Variants in JAZF1 observed in about 807,000 individuals in gnomAD.
JAZF1 encodes the protein JAZF zinc finger 1.
Under a neutral mutation model 26.4 loss-of-function variants are expected in JAZF1, and 8 were observed. The observed-to-expected ratio is 0.30, with a 90% CI of 0.18 to 0.55. JAZF1 has a LOEUF of 0.55. Among genes scored for constraint, JAZF1 ranks in the 20% least tolerant of loss-of-function variants. The probability of loss-of-function intolerance (pLI) is 0.94; values close to 1 mark genes in which losing one functional copy is unlikely to be tolerated. For missense variants in JAZF1, 199 were observed against 322.0 expected, an observed-to-expected ratio of 0.62 and a Z score of 2.92; for synonymous variants, 126 against 122.3, an observed-to-expected ratio of 1.03 and a Z score of -0.20.
intron 2 of JAZF1, among the ~76,000 whole-genome samples, chr7:27,951,469 C>T (rs1401470847): frequency 6.6e-6 from 1 of 152,204 alleles, no homozygotes; most frequent in Admixed American, 6.5e-5. Flanking sequence ...TTTTAGACAT[C>T]AAAGCATAAG....
intron 1 of JAZF1, among the ~76,000 whole-genome samples, chr7:28,162,210 G>A (rs976264882): frequency 6.6e-6 from 1 of 152,300 alleles, no homozygotes; most frequent in East Asian, 1.9e-4. Flanking sequence ...TTATAGCTAG[G>A]CCATGCTGAG....
At chr7:27,873,175 C>A (rs2128338272) in intron 3 of JAZF1, among the ~76,000 whole-genome samples, 1 of 152,290 alleles carries the variant, frequency 6.6e-6, no homozygotes, top group South Asian at 2.1e-4. Flanking sequence ...AAAATCAAAT[C>A]TATTTCCGAC....
intron 2 of JAZF1, chr7:27,914,804 T>C (rs1391037613): frequency 4.2e-6 from 2 of 471,046 alleles, no homozygotes; most frequent in Admixed American, 4.7e-5. Flanking sequence ...TGATGCCCAA[T>C]GTCCCTACAG....
Position 28,062,466 on chromosome 7 carries a change from C to T in JAZF1, c.116-70485G>A, listed in dbSNP as rs547714871. On this transcript the variant is annotated intron_variant, in intron 1 of 4. Coordinates refer to ENST00000283928, the MANE Select transcript of JAZF1 (RefSeq NM_175061.4). The stretch of plus-strand genomic sequence containing the variant: ...AGAGCATGCAGTCCCTTAGTGACTA[C>T]GCAGCCCTGTCCTGAGGCTGAGTAA... Among the ~76,000 whole-genome samples, 7 of 152,104 alleles carry T rather than the reference C, an allele frequency of 4.6e-5. No homozygotes were observed. In the East Asian group the frequency reaches 1.3e-3, roughly 29 times the overall value.
At chr7:27,913,955 G>GT (rs1562527627) in intron 2 of JAZF1, among the ~76,000 whole-genome samples, 3 of 152,012 alleles carry the variant, frequency 2.0e-5, no homozygotes, top group African/African-American at 7.3e-5. Context: ...TCATTGATGT[G>GT]TTTCTTTATT....
At chr7:27,846,090 T>C (rs1282881933) in intron 3 of JAZF1, among the ~76,000 whole-genome samples, 2 of 152,148 alleles carry the variant, frequency 1.3e-5, no homozygotes, top group East Asian at 3.9e-4. Flanking sequence ...ACGTACCTAC[T>C]ACTTCATAAC....
intron 1 of JAZF1, among the ~76,000 whole-genome samples, chr7:28,032,076 G>A (rs979094449): frequency 1.3e-5 from 2 of 152,108 alleles, no homozygotes; most frequent in Non-Finnish European, 2.9e-5. Context: ...ACTGGGGCTG[G>A]TTCTCTTCCT....
chr7:28,145,156 C>G (rs2127946596), intron 1 of JAZF1, among the ~76,000 whole-genome samples: 1 of 152,186 alleles, frequency 6.6e-6, no homozygotes, highest in East Asian at 1.9e-4. Flanking sequence ...AAAAATAAAC[C>G]TAGAGAGCTC....
At chr7:28,121,997 AG>A (rs1359304991) in intron 1 of JAZF1, among the ~76,000 whole-genome samples, 1 of 152,248 alleles carries the variant, frequency 6.6e-6, no homozygotes, top group Non-Finnish European at 1.5e-5. Context: ...TCAAGATCAA[AG>A]AATATTCCTT....
At chr7:27,930,957 A>G (rs1475889403) in intron 2 of JAZF1, among the ~76,000 whole-genome samples, 1 of 152,238 alleles carries the variant, frequency 6.6e-6, no homozygotes, top group African/African-American at 2.4e-5. Context: ...TCAGAAAAAA[A>G]GCCAGTGTTA....
At chr7:28,012,445 A>T (rs1212616449) in intron 1 of JAZF1, among the ~76,000 whole-genome samples, 4 of 152,212 alleles carry the variant, frequency 2.6e-5, no homozygotes. Flanking sequence ...TCTTTAAAAA[A>T]CAAAACCAAA....
At chr7:27,899,967 G>A (rs1038021447) in intron 2 of JAZF1, among the ~76,000 whole-genome samples, 1 of 152,140 alleles carries the variant, frequency 6.6e-6, no homozygotes, top group Non-Finnish European at 1.5e-5. Flanking sequence ...CTCCTCTGGC[G>A]GTTTACATGG....
intron 1 of JAZF1, among the ~76,000 whole-genome samples, chr7:28,177,227 A>T (rs1783562503): frequency 6.6e-6 from 1 of 152,176 alleles, no homozygotes; most frequent in Admixed American, 6.5e-5. Flanking sequence ...AGAAAACAGG[A>T]ACACCGGTAC....
chr7:27,994,447 A>AC (rs1301331242), intron 1 of JAZF1, among the ~76,000 whole-genome samples: 2 of 37,870 alleles, frequency 5.3e-5, no homozygotes, highest in Non-Finnish European at 1.2e-4. Context: ...ATCACAAAAA[A>AC]AAAAAAACAA....
Position 27,832,905 on chromosome 7 carries a change from CT to C in JAZF1, c.626del (p.Lys209SerfsTer68). 6.2e-7 allele frequency: 1 copy of C among 1,613,534 alleles called. No individual in the cohort carries two copies. Among genetic ancestry groups the C allele is most frequent in the Non-Finnish European group, 8.5e-7 (1 of 1,179,752 alleles). On this transcript the variant is annotated frameshift_variant, in exon 5 of 5. Transcript: ENST00000283928. LOFTEE classifies it high-confidence loss of function. ...TCTTGTAACTCTTCCCACAGCGACA[CT>C]TGAATGGTTTGCGGACACGAATCTG... Reference protein sequence around the residue: ...RTQIRVRKPFKCRCGKSYKTA... With the variant: ...RTQIRVRKPFXCRCGKSYKTA...
chr7:27,919,792 C>T (rs1404179114), intron 2 of JAZF1, among the ~76,000 whole-genome samples: 1 of 152,096 alleles, frequency 6.6e-6, no homozygotes, highest in African/African-American at 2.4e-5. Context: ...ATAATTAATA[C>T]GTAATCATTT....
At chr7:28,031,548 C>A (rs147313209) in intron 1 of JAZF1, among the ~76,000 whole-genome samples, 1 of 152,282 alleles carries the variant, frequency 6.6e-6, no homozygotes, top group East Asian at 1.9e-4. Context: ...TCCTGCAGAG[C>A]GTACCATTTG....
At chr7:28,101,364 T>C (rs1319263950) in intron 1 of JAZF1, among the ~76,000 whole-genome samples, 1 of 152,128 alleles carries the variant, frequency 6.6e-6, no homozygotes, top group African/African-American at 2.4e-5. Flanking sequence ...TTATGTTATA[T>C]ATTGATTCTA....
intron 1 of JAZF1, among the ~76,000 whole-genome samples, chr7:28,092,710 A>T (rs192359138): frequency 1.9e-4 from 29 of 151,966 alleles, no homozygotes; most frequent in African/African-American, 6.5e-4. Flanking sequence ...AACCAAAAAA[A>T]TTAGCTGAGT....
Sources: allele counts gnomAD v4.1 joint callset (sites outside exome capture counted in the v4.1 genomes callset), GRCh38; gene constraint gnomAD v4.1.1; transcripts MANE v1.5; gene names NCBI Gene and HGNC (gene_info 2026-07-23, HGNC 2026-07-21).